The following GTPBP4 variants were observed in gnomAD, a reference collection of about 807,000 sequenced individuals.
GTPBP4 encodes GTP-binding protein 4.
Under a neutral mutation model 81.7 loss-of-function variants are expected in GTPBP4, and 15 were observed. The observed-to-expected ratio is 0.18, with a 90% CI of 0.12 to 0.28. The LOEUF is 0.28. Ranked by LOEUF, GTPBP4 falls within the 10% of genes least tolerant of loss-of-function variation. The pLI is 1.00. For synonymous variants in GTPBP4, 272 were observed against 274.6 expected, an observed-to-expected ratio of 0.99 and a Z score of 0.09; for missense variants, 847 against 793.8, an observed-to-expected ratio of 1.07 and a Z score of -0.81.
chr10:1,012,005 T>C lies in GTPBP4; in HGVS notation c.1345-460T>C, dbSNP rs1031445873. ...CTGGGCTCCTGGCCGGGTTGCCTCA[T>C]TGGGGGGTGATAAACGTGTGTGTTT... On this transcript the variant is annotated intron_variant, in intron 13 of 16. Coordinates refer to ENST00000360803, the MANE Select transcript of GTPBP4 (RefSeq NM_012341.3). Among the ~76,000 whole-genome samples, 5 of 152,260 alleles carry C rather than the reference T, an allele frequency of 3.3e-5. No individual in the cohort carries two copies. The East Asian group carries it at 7.7e-4, about 24-fold the overall frequency.
chr10:1,011,198 C>CCGAGACTCTGGTGGAGA (rs1831863238), intron 13 of GTPBP4, among the ~76,000 whole-genome samples: 1 of 152,058 alleles, frequency 6.6e-6, no homozygotes, highest in Non-Finnish European at 1.5e-5. Flanking sequence ...CTTCCCCACC[C>CCGAGACTCTGGTGGAGA]TGTATCTCCG....
At chr10:1,007,213 A>G (rs1589028661) in intron 10 of GTPBP4, 85 bp downstream of exon 10, 1 of 739,066 alleles carries the variant, frequency 1.4e-6, no homozygotes, top group East Asian at 2.5e-5. Flanking sequence ...CCTCCCATCC[A>G]GCTTCACACA....
At chr10:994,592 T>A (rs1331229623) in intron 2 of GTPBP4, among the ~76,000 whole-genome samples, 1 of 152,194 alleles carries the variant, frequency 6.6e-6, no homozygotes, top group Non-Finnish European at 1.5e-5. Context: ...TATTCTTAAC[T>A]GATTTGATAT....
At chr10:1,009,069 T>A (rs1554816886) in intron 11 of GTPBP4, 34 bp downstream of exon 11, 1 of 1,483,060 alleles carries the variant, frequency 6.7e-7, no homozygotes, top group African/African-American at 1.4e-5. Flanking sequence ...AGTGTTCTCA[T>A]GGGGGGAGGC....
rs780980899 is a variant in GTPBP4, at chr10:997,299, C to T, written c.552C>T (p.Phe184=). Residue 184 remains phenylalanine, a synonymous_variant, in exon 5 of 17, where the codon TTC becomes TTT. Transcript: ENST00000360803. ...CGYPNVGKSS[F]INKVTRADVD... ...ACCCAAATGTTGGGAAGTCCAGCTT[C>T]ATCAACAAGGTTGGTCTGGTTTTTA... The T allele has an allele frequency of 2.0e-5, 31 of 1,560,032 alleles. No individual in the cohort carries two copies. The highest frequency in any genetic ancestry group is 1.3e-4 in the Admixed American group (8 of 59,948).
At chr10:1,013,639 G>T (rs1831920343) in intron 14 of GTPBP4, among the ~76,000 whole-genome samples, 1 of 152,042 alleles carries the variant, frequency 6.6e-6, no homozygotes, top group South Asian at 2.1e-4. Flanking sequence ...AAAAAATCTG[G>T]ACTCTTTAGC....
intron 16 of GTPBP4, 59 bp from the exon 17 acceptor site, chr10:1,017,016 C>A: frequency 1.4e-6 from 2 of 1,419,116 alleles, no homozygotes; most frequent in Non-Finnish European, 2.0e-6. Flanking sequence ...AGTTGAAATT[C>A]AGAATGGAAA....
At chr10:999,214 GTT>G (rs1831583023) in intron 6 of GTPBP4, 119 bp downstream of exon 6, 1 of 650,852 alleles carries the variant, frequency 1.5e-6, no homozygotes, top group Admixed American at 2.2e-5. Flanking sequence ...CACCTCCCAG[GTT>G]CAAGTGATTC....
intron 10 of GTPBP4, chr10:1,008,022 T>C (rs781374615): frequency 4.2e-5 from 21 of 500,794 alleles, no homozygotes; most frequent in Non-Finnish European, 7.6e-5. Context: ...GTGCTGTACA[T>C]TTTTGAACTA....
chr10:1,015,916 A>G lies in GTPBP4; in HGVS notation c.1752+20A>G. 1 of 1,584,266 alleles carries G rather than the reference A, an allele frequency of 6.3e-7. No homozygotes were observed. ...GTCAAGGTCAGTCTCTGTGTTGTGT[A>G]ATGTAATAAAATGACAGTCTCTGTT... On this transcript the variant is annotated intron_variant, in intron 16 of 16. Transcript: ENST00000360803.
At chr10:997,693 G>A (rs1049623840) in intron 5 of GTPBP4, among the ~76,000 whole-genome samples, 2 of 152,218 alleles carry the variant, frequency 1.3e-5, no homozygotes, top group Non-Finnish European at 1.5e-5. Context: ...GGGTGTTGTT[G>A]GCCTGTCCTG....
Position 1,012,649 on chromosome 10 carries a change from G to T in GTPBP4, c.1529G>T (p.Arg510Leu). ...EKNTQGPRMP[R>L]TAKKVQRTVL... ...AATACACAGGGACCCAGGATGCCGC[G>T]AACTGCTAAGAAGGCAAGTTTGTGT... The change falls in exon 14 of 17, where the codon CGA becomes CTA. Residue 510 changes from arginine to leucine, a missense_variant. Arg to Leu is a moderately radical substitution (Grantham distance 102, BLOSUM62 -2). This residue lies in a region of GTPBP4 where 600 missense variants were observed against 557.1 expected (regional missense o/e 1.08). Coordinates refer to ENST00000360803, the MANE Select transcript of GTPBP4 (RefSeq NM_012341.3). 1 of 1,611,622 alleles carries T rather than the reference G, an allele frequency of 6.2e-7. No homozygotes were observed. Among genetic ancestry groups the T allele is most frequent in the South Asian group, 1.1e-5 (1 of 90,796 alleles).
In GTPBP4 at chr10:988,535, G is replaced by T. The variant is rs1831381937; in HGVS notation, c.48+8G>T. The T allele has an allele frequency of 1.2e-6, 2 of 1,607,020 alleles. No individual in the cohort carries two copies. Among genetic ancestry groups the T allele is most frequent in the Non-Finnish European group, 1.7e-6 (2 of 1,174,560 alleles). ...GTGGTGCCGTCCGCCAAGGTAGGCG[G>T]CCCCGGGAGGGCCACTGCAACTTTC... On this transcript the variant is annotated splice_region_variant and intron_variant, in intron 1 of 16. Transcript: ENST00000360803.
At chr10:1,013,997 C>T (rs753107424) in intron 14 of GTPBP4, among the ~76,000 whole-genome samples, 8 of 152,134 alleles carry the variant, frequency 5.3e-5, no homozygotes, top group Non-Finnish European at 1.0e-4. Context: ...CCCCGTGTTG[C>T]GGTGAAGAAT....
chr10:995,741 C>T (rs1026915193), intron 2 of GTPBP4, among the ~76,000 whole-genome samples, 188 bp from the exon 3 acceptor site: 4 of 152,036 alleles, frequency 2.6e-5, no homozygotes, highest in Admixed American at 6.6e-5. Flanking sequence ...CCGTGACTGT[C>T]GGCACCCGCA....
chr10:1,000,321 T>G (rs1460082020), intron 6 of GTPBP4, among the ~76,000 whole-genome samples: 1 of 137,226 alleles, frequency 7.3e-6, no homozygotes. Context: ...CACTGCAAGC[T>G]CCGCCTCCCT....
At position 1,012,583 on chromosome 10, in the gene GTPBP4, G is replaced by A. The variant is rs369802399; in HGVS notation, c.1463G>A (p.Arg488Gln). ...ATCCGACAGCTGGCAAAGCAAATTC[G>A]AGAGAAAAAGAAGTTGAAAATTCTG... ...LEIRQLAKQI[R>Q]EKKKLKILES... The change falls in exon 14 of 17, where the codon CGA (arginine) becomes CAA (glutamine). Residue 488 changes from arginine to glutamine, a missense_variant. By Grantham distance (43) the Arg-to-Gln change is conservative (BLOSUM62 1). Around this residue, in one of 3 missense-constraint regions of GTPBP4, gnomAD observed 600 missense variants for 557.1 expected, o/e 1.08. Coordinates refer to ENST00000360803, the MANE Select transcript of GTPBP4 (RefSeq NM_012341.3). 1.1e-5 allele frequency: 18 copies of A among 1,613,822 alleles called. No homozygotes were observed. Among genetic ancestry groups the A allele is most frequent in the South Asian group, 2.2e-5 (2 of 91,056 alleles).
chr10:991,005 G>C (rs1354720871), intron 1 of GTPBP4, among the ~76,000 whole-genome samples: 1 of 151,792 alleles, frequency 6.6e-6, no homozygotes, highest in Non-Finnish European at 1.5e-5. Flanking sequence ...GTACTTGGCA[G>C]ACTGTTGTGA....
At position 1,019,884 on chromosome 10, in the gene GTPBP4, A is replaced by C; in HGVS notation, c.*2657A>C. On this transcript the variant is annotated 3_prime_UTR_variant, in exon 17 of 17. Coordinates refer to ENST00000360803, the MANE Select transcript of GTPBP4 (RefSeq NM_012341.3). ...TTAACAACGCTAATGTAAAACACAG[A>C]ATTTACAGAAAAATAGAGAAAATAA... The C allele has an allele frequency of 1.6e-6, 2 of 1,255,340 alleles. No homozygotes were observed. Among genetic ancestry groups the C allele is most frequent in the Non-Finnish European group, 2.3e-6 (2 of 868,618 alleles). The allele number at this position is 1,255,340 out of a possible 1,614,324, so 77.8% of individuals were successfully genotyped here.
Sources: gnomAD v4.1 joint callset for allele counts (sites outside exome capture counted in the v4.1 genomes callset) on GRCh38, gnomAD v4.1.1 for gene constraint, gnomAD v4.1.1 regional missense constraint, MANE v1.5 for transcripts, NCBI Gene and HGNC (gene_info 2026-07-23, HGNC 2026-07-21) for gene names.